XYLT1: variants seen among roughly 807,000 people sequenced by gnomAD.
XYLT1 encodes the protein beta-D-xylosyltransferase 1.
In XYLT1, 36 loss-of-function variants were observed where a neutral mutation model predicts 91.3. That is an observed-to-expected ratio of 0.39 (90% CI 0.30 to 0.52). The LOEUF (loss-of-function observed/expected upper bound fraction) is 0.52. Ranked by LOEUF, XYLT1 falls within the 20% of genes least tolerant of loss-of-function variation. The probability of loss-of-function intolerance (pLI) is 0.68; values close to 1 mark genes in which losing one functional copy is unlikely to be tolerated. For missense variants in XYLT1, 1,242 were observed against 1,284.5 expected (o/e 0.97, Z 0.51); for synonymous variants, 588 against 532.0 (o/e 1.11, Z -1.45).
At chr16:17,369,052 TA>T (rs61242096) in intron 1 of XYLT1, among the ~76,000 whole-genome samples, 9,425 of 143,008 alleles carry the variant, frequency 0.066, 333 homozygotes, top group Middle Eastern at 0.12. Flanking sequence ...CAGAGAGGTT[TA>T]AAAAAAAAAA....
chr16:17,422,165 G>A (rs1434235058), intron 1 of XYLT1, among the ~76,000 whole-genome samples: 1 of 151,692 alleles, frequency 6.6e-6, no homozygotes, highest in Non-Finnish European at 1.5e-5. Context: ...TGTATTTTTA[G>A]TAGAGACGGG....
At chr16:17,157,841 C>T (rs2031447904) in intron 6 of XYLT1, among the ~76,000 whole-genome samples, 1 of 152,158 alleles carries the variant, frequency 6.6e-6, no homozygotes, top group African/African-American at 2.4e-5. Context: ...CTCCGCCTCC[C>T]AGGTTCAAGT....
chr16:17,446,330 T>G (rs1474095346), intron 1 of XYLT1: 1 of 152,194 alleles, frequency 6.6e-6, no homozygotes, highest in African/African-American at 2.4e-5. Flanking sequence ...ATAGATGTAT[T>G]TATGTACTTC....
At chr16:17,370,823 C>T (rs1012899779) in intron 1 of XYLT1, among the ~76,000 whole-genome samples, 1 of 152,198 alleles carries the variant, frequency 6.6e-6, no homozygotes, top group African/African-American at 2.4e-5. Context: ...GACCTAGCTA[C>T]ACAAATCCAG....
chr16:17,350,279 A>T (rs1411847324), intron 2 of XYLT1, among the ~76,000 whole-genome samples: 4 of 152,208 alleles, frequency 2.6e-5, no homozygotes. Context: ...TGATCTCAAC[A>T]CGATCTATTT....
intron 2 of XYLT1, among the ~76,000 whole-genome samples, chr16:17,315,625 C>G (rs2034619302): frequency 6.6e-6 from 1 of 152,164 alleles, no homozygotes. Flanking sequence ...TCCTCCAGCC[C>G]CATAGCATAA....
chr16:17,138,147 G>GTTAATGAGTCAATGTGGT (rs1555481563), intron 8 of XYLT1: 1 of 540,868 alleles, frequency 1.8e-6, no homozygotes. Context: ...TTGTTTTTGG[G>GTTAATGAGTCAATGTGGT]TTAATGAGTC....
At chr16:17,360,794 T>C (rs537848256) in intron 1 of XYLT1, among the ~76,000 whole-genome samples, 1 of 152,304 alleles carries the variant, frequency 6.6e-6, no homozygotes, top group South Asian at 2.1e-4. Flanking sequence ...TTGGGACTCT[T>C]TGGTTTACAG....
At chr16:17,390,873 C>A (rs1003885646) in intron 1 of XYLT1, among the ~76,000 whole-genome samples, 3 of 152,052 alleles carry the variant, frequency 2.0e-5, no homozygotes, top group African/African-American at 7.2e-5. Context: ...CCCGTCTCTA[C>A]TAAAAATACA....
intron 2 of XYLT1, among the ~76,000 whole-genome samples, chr16:17,284,159 C>A (rs1450645353): frequency 2.6e-5 from 4 of 152,248 alleles, no homozygotes; most frequent in Non-Finnish European, 5.9e-5. Flanking sequence ...CTTCCTCCCT[C>A]AACAGTCCTG....
intron 6 of XYLT1, among the ~76,000 whole-genome samples, chr16:17,151,496 G>A (rs1405063438): frequency 6.6e-6 from 1 of 152,140 alleles, no homozygotes; most frequent in African/African-American, 2.4e-5. Flanking sequence ...TATGAGCTGT[G>A]TGTTATTTAA....
chr16:17,442,195 G>A (rs935803345), intron 1 of XYLT1, among the ~76,000 whole-genome samples: 2 of 152,150 alleles, frequency 1.3e-5, no homozygotes, highest in Non-Finnish European at 1.5e-5. Flanking sequence ...TGCCACCGCA[G>A]GCCTTGGGAC....
rs561574083 is a variant in XYLT1, at chr16:17,234,585, C to CT, written c.913+24402dup. ...AAAAACTAACAGCTCATTGACTACT[C>CT]TTTTTTTTTTTTTGGCATTTCTAAA... On this transcript the variant is annotated intron_variant, in intron 3 of 11. Coordinates refer to ENST00000261381, the MANE Select transcript of XYLT1 (RefSeq NM_022166.4). Among the ~76,000 whole-genome samples, 1,306 of 142,232 alleles carry CT rather than the reference C, an allele frequency of 9.2e-3. 13 individuals carry two copies. The highest frequency in any genetic ancestry group is 0.027 in the African/African-American group (1,043 of 38,950). 93.3% of individuals were successfully genotyped at this position (142,232 alleles called of 152,430 possible). A position where few individuals can be genotyped will look rare whatever the true frequency, so the allele number is the denominator to read the frequency against.
chr16:17,249,163 G>A (rs1390711970), intron 3 of XYLT1, among the ~76,000 whole-genome samples: 1 of 152,180 alleles, frequency 6.6e-6, no homozygotes, highest in African/African-American at 2.4e-5. Flanking sequence ...GACAGGGGAT[G>A]CTCGATGACT....
At chr16:17,337,781 C>T (rs12935496) in intron 2 of XYLT1, among the ~76,000 whole-genome samples, 77,631 of 123,342 alleles carry the variant, frequency 0.63, 24,419 homozygotes, top group African/African-American at 0.74. Flanking sequence ...TTTTCTTTTT[C>T]TTTTTTTTTT....
At chr16:17,176,274 A>G (rs1231208919) in intron 5 of XYLT1, among the ~76,000 whole-genome samples, 1 of 152,106 alleles carries the variant, frequency 6.6e-6, no homozygotes, top group Non-Finnish European at 1.5e-5. Context: ...TGGAACTGTC[A>G]CCCGGGCAGC....
intron 1 of XYLT1, among the ~76,000 whole-genome samples, chr16:17,377,964 T>C (rs190579505): frequency 1.3e-5 from 2 of 152,352 alleles, no homozygotes; most frequent in East Asian, 1.9e-4. Context: ...ACTGAGGCTT[T>C]GGAGGACAAA....
intron 3 of XYLT1, among the ~76,000 whole-genome samples, chr16:17,219,808 C>A (rs1354277024): frequency 6.6e-6 from 1 of 152,046 alleles, no homozygotes; most frequent in African/African-American, 2.4e-5. Flanking sequence ...GCGGGTGGAT[C>A]ATTTGAGGTC....
chr16:17,468,586 G>A (rs193079331), intron 1 of XYLT1, among the ~76,000 whole-genome samples: 1 of 152,286 alleles, frequency 6.6e-6, no homozygotes, highest in Non-Finnish European at 1.5e-5. Flanking sequence ...AGGCTGAGCT[G>A]GGTGTGAGAG....
Sources: gnomAD v4.1 joint callset for allele counts (sites outside exome capture counted in the v4.1 genomes callset) on GRCh38, gnomAD v4.1.1 for gene constraint, MANE v1.5 for transcripts, NCBI Gene and HGNC (gene_info 2026-07-23, HGNC 2026-07-21) for gene names.